Variants in FTO observed in about 807,000 individuals in gnomAD.
The protein encoded by FTO is alpha-ketoglutarate-dependent dioxygenase FTO.
Under a neutral mutation model 63.9 loss-of-function variants are expected in FTO, and 47 were observed. The ratio of observed to expected loss-of-function variants is 0.74; its 90% CI spans 0.58 to 0.94. The LOEUF (loss-of-function observed/expected upper bound fraction) is 0.94, where lower values mean the gene tolerates loss of function less well. Ranked by LOEUF, FTO falls within the 40% of genes least tolerant of loss-of-function variation. FTO has a pLI of 0.00. For synonymous variants in FTO, 207 were observed against 224.4 expected (o/e 0.92, Z 0.69); for missense variants, 562 against 618.1 (o/e 0.91, Z 0.96).
chr16:53,896,161 C>A (rs542697065), intron 7 of FTO, among the ~76,000 whole-genome samples: 33 of 152,258 alleles, frequency 2.2e-4, no homozygotes, highest in Non-Finnish European at 4.0e-4. Context: ...GCCTTGGCTG[C>A]TAGAATTCAT....
At chr16:53,717,936 C>CT (rs2151480430) in intron 1 of FTO, among the ~76,000 whole-genome samples, 2 of 152,158 alleles carry the variant, frequency 1.3e-5, no homozygotes, top group East Asian at 3.9e-4. Context: ...CATGAGGCCC[C>CT]TATAATTAGT....
intron 7 of FTO, among the ~76,000 whole-genome samples, chr16:53,917,205 T>C (rs1376900007): frequency 1.3e-5 from 2 of 152,186 alleles, no homozygotes. Context: ...TTGCTGAAGA[T>C]ACCAACCTGC....
intron 7 of FTO, among the ~76,000 whole-genome samples, chr16:53,916,872 G>A (rs1163746872): frequency 6.6e-6 from 1 of 152,218 alleles, no homozygotes; most frequent in Non-Finnish European, 1.5e-5. Context: ...GGGGAGCTAA[G>A]GCTCATCAAC....
At chr16:53,908,539 C>A (rs577553693) in intron 7 of FTO, among the ~76,000 whole-genome samples, 1 of 152,336 alleles carries the variant, frequency 6.6e-6, no homozygotes, top group East Asian at 1.9e-4. Flanking sequence ...CAGCCTTTTC[C>A]TGTCAGGAAG....
chr16:53,818,171 CTTTT>C (rs57562818), intron 2 of FTO, among the ~76,000 whole-genome samples: 6 of 147,688 alleles, frequency 4.1e-5, no homozygotes, highest in East Asian at 2.0e-4. Context: ...GTTACTTGTT[CTTTT>C]TTTTTTTTTT....
At chr16:53,882,345 G>A (rs1253280202) in intron 6 of FTO, among the ~76,000 whole-genome samples, 3 of 149,268 alleles carry the variant, frequency 2.0e-5, no homozygotes, top group Non-Finnish European at 3.0e-5. Context: ...AAATTATACA[G>A]TATGTTAGAA....
At chr16:53,962,729 A>G (rs1417919755) in intron 8 of FTO, among the ~76,000 whole-genome samples, 4 of 152,236 alleles carry the variant, frequency 2.6e-5, no homozygotes, top group Non-Finnish European at 5.9e-5. Flanking sequence ...GGTCCCAAAT[A>G]TACTGAATGT....
At chr16:53,840,766 TG>T (rs1224038090) in intron 3 of FTO, among the ~76,000 whole-genome samples, 17 of 152,104 alleles carry the variant, frequency 1.1e-4, no homozygotes, top group Non-Finnish European at 2.1e-4. Context: ...TAAAGTGAAG[TG>T]GCTGTGGGGA....
chr16:53,979,486 A>G, intron 8 of FTO: 1 of 398,414 alleles, frequency 2.5e-6, no homozygotes, highest in Admixed American at 4.4e-5. Flanking sequence ...ACTAAAAGTA[A>G]CAGAATTTCT....
chr16:53,904,139 G>A (rs988186072), intron 7 of FTO, among the ~76,000 whole-genome samples: 17 of 151,496 alleles, frequency 1.1e-4, no homozygotes, highest in Non-Finnish European at 7.4e-5. Context: ...TCCATATAAT[G>A]CCAGTTTCCC....
chr16:54,079,248 G>T (rs574953977), intron 8 of FTO, among the ~76,000 whole-genome samples: 11 of 152,234 alleles, frequency 7.2e-5, no homozygotes, highest in African/African-American at 2.6e-4. Flanking sequence ...TGAGTTCAGT[G>T]CCTGCTGACA....
At chr16:53,962,730 T>C (rs1282561757) in intron 8 of FTO, among the ~76,000 whole-genome samples, 1 of 152,234 alleles carries the variant, frequency 6.6e-6, no homozygotes, top group Non-Finnish European at 1.5e-5. Flanking sequence ...GTCCCAAATA[T>C]ACTGAATGTA....
intron 6 of FTO, among the ~76,000 whole-genome samples, chr16:53,883,678 G>A (rs2080921394): frequency 6.6e-6 from 1 of 150,442 alleles, no homozygotes. Context: ...AAAGTGACTG[G>A]CTGCTTTTGA....
intron 2 of FTO, among the ~76,000 whole-genome samples, chr16:53,818,253 A>T (rs1298497679): frequency 6.6e-6 from 1 of 152,084 alleles, no homozygotes; most frequent in Non-Finnish European, 1.5e-5. Context: ...TTACTCTATA[A>T]ACAATAAAAG....
intron 7 of FTO, among the ~76,000 whole-genome samples, chr16:53,933,495 TC>T (rs1431160304): frequency 6.6e-6 from 1 of 152,036 alleles, no homozygotes; most frequent in Non-Finnish European, 1.5e-5. Context: ...TCCCCCTTCT[TC>T]CCCCACAAAA....
chr16:53,826,589 G>T, intron 3 of FTO, 98 bp downstream of exon 3: 1 of 1,189,086 alleles, frequency 8.4e-7, no homozygotes, highest in Non-Finnish European at 1.2e-6. Flanking sequence ...GAACATGTTT[G>T]CATGTGTGCT....
chr16:53,924,843 G>A (rs1357058887), intron 7 of FTO, among the ~76,000 whole-genome samples: 2 of 152,286 alleles, frequency 1.3e-5, no homozygotes, highest in South Asian at 2.1e-4. Context: ...GTTCTGCCAC[G>A]CTGTGGATCC....
chr16:54,049,533 A>AG (rs755677918), intron 8 of FTO, among the ~76,000 whole-genome samples: 17 of 152,226 alleles, frequency 1.1e-4, no homozygotes, highest in Non-Finnish European at 2.2e-4. Context: ...CAAAGTGGTG[A>AG]GGGGGGGAAA....
chr16:53,754,819 A>G (rs555920736), intron 1 of FTO, among the ~76,000 whole-genome samples: 27 of 152,254 alleles, frequency 1.8e-4, no homozygotes, highest in Non-Finnish European at 2.6e-4. Context: ...CCAAGAAGTA[A>G]CAAATCTTTT....
Sources: allele counts gnomAD v4.1 joint callset (sites outside exome capture counted in the v4.1 genomes callset), GRCh38; gene constraint gnomAD v4.1.1; transcripts MANE v1.5; gene names NCBI Gene and HGNC (gene_info 2026-07-23, HGNC 2026-07-21).